PRKRIP1: variants seen among roughly 807,000 people sequenced by gnomAD.
The protein encoded by PRKRIP1 is PRKR-interacting protein 1.
Under a neutral mutation model 29.3 loss-of-function variants are expected in PRKRIP1, and 29 were observed. The ratio of observed to expected loss-of-function variants is 0.99; its 90% CI spans 0.74 to 1.35. PRKRIP1 has a LOEUF of 1.35. Among genes scored for constraint, PRKRIP1 ranks in the 40% most tolerant of loss-of-function variants. The pLI, the probability that PRKRIP1 is intolerant of heterozygous loss-of-function variation, is 0.00. For missense variants in PRKRIP1, 247 were observed against 236.8 expected (o/e 1.04, Z -0.28); for synonymous variants, 90 against 85.1 (o/e 1.06, Z -0.32).
rs185311183 is a variant in PRKRIP1 at position 102,420,230 on chromosome 7, G to A, written c.458-4784G>A. 3.3e-5 allele frequency among the ~76,000 whole-genome samples: 5 copies of A among 152,284 alleles called. No homozygotes were observed. The East Asian group carries it at 7.7e-4, about 24-fold the overall frequency. ...TGCACATAAGTTTCACATCAACTGA[G>A]TACATCTGCAGGAACATGATTGCTG... On this transcript the variant is annotated intron_variant, in intron 5 of 5. Transcript: ENST00000397912.
intron 1 of PRKRIP1, among the ~76,000 whole-genome samples, 159 bp downstream of exon 1, chr7:102,396,696 C>T (rs1156793669): frequency 6.6e-6 from 1 of 152,172 alleles, no homozygotes; most frequent in Admixed American, 6.6e-5. Flanking sequence ...GAGAAGGAGG[C>T]TGTCCCGGAG....
At chr7:102,421,750 T>TCC (rs1399069263) in intron 5 of PRKRIP1, among the ~76,000 whole-genome samples, 1 of 151,006 alleles carries the variant, frequency 6.6e-6, no homozygotes, top group Non-Finnish European at 1.5e-5. Flanking sequence ...TGAGCCAAGA[T>TCC]CGCGCCACTG....
At chr7:102,412,706 C>T (rs781798769) in intron 5 of PRKRIP1, among the ~76,000 whole-genome samples, 1 of 152,140 alleles carries the variant, frequency 6.6e-6, no homozygotes, top group African/African-American at 2.4e-5. Context: ...GGCTTTGGTG[C>T]GCCGTGGGTC....
intron 5 of PRKRIP1, among the ~76,000 whole-genome samples, chr7:102,419,638 G>A (rs1387221814): frequency 5.3e-5 from 8 of 151,966 alleles, no homozygotes; most frequent in Non-Finnish European, 7.4e-5. Flanking sequence ...TCATAGAGTC[G>A]GAATTAAATC....
At chr7:102,405,938 G>T in intron 4 of PRKRIP1, 1 of 331,938 alleles carries the variant, frequency 3.0e-6, no homozygotes, top group South Asian at 2.7e-5. Context: ...TCTGCATCCC[G>T]CTGGTTGTGG....
At chr7:102,396,681 A>AG (rs1795908435) in intron 1 of PRKRIP1, 144 bp downstream of exon 1, 1 of 791,784 alleles carries the variant, frequency 1.3e-6, no homozygotes, top group Non-Finnish European at 1.9e-6. Flanking sequence ...TTTGGGGAGG[A>AG]GGAGGAGAAG....
At position 102,396,466 on chromosome 7, in the gene PRKRIP1, C is replaced by A; in HGVS notation, c.55C>A (p.Gln19Lys). 6.2e-7 allele frequency: 1 copy of A among 1,609,504 alleles called. No individual in the cohort carries two copies. Among genetic ancestry groups the A allele is most frequent in the South Asian group, 1.1e-5 (1 of 90,932 alleles). ...ACCACCGAGGCCCAAGAAAGAGCCG[C>A]AGACGCTCGTCATCCCCAAGAATGC... The part of the protein sequence containing the change: ...VRPPRPKKEP[Q>K]TLVIPKNAAE... The change falls in exon 1 of 6, where the codon CAG becomes AAG. Residue 19 changes from glutamine to lysine, a missense_variant. By Grantham distance (53) the Gln-to-Lys change is moderately conservative. This residue lies in a region of PRKRIP1 where 105 missense variants were observed against 80.2 expected (regional missense o/e 1.31). Transcript: ENST00000397912.
chr7:102,397,706 C>CTG lies in PRKRIP1; in HGVS notation c.205+38_205+39dup, dbSNP rs34218257. The CTG allele has an allele frequency of 2.0e-3, 2,667 of 1,330,750 alleles. 9 individuals carry two copies. In the African/African-American group the frequency reaches 0.022, roughly 11 times the overall value. 82.4% of individuals were successfully genotyped at this position (1,330,750 alleles called of 1,614,324 possible). On this transcript the variant is annotated intron_variant, in intron 2 of 5. Transcript: ENST00000397912. ...TTGTCCGAGATGTCATGGGTAATGGCTGTGTGTGTGTGTGTGTGTGTGTGT... is the reference window on the plus strand; with the variant it reads ...TTGTCCGAGATGTCATGGGTAATGGCTGTGTGTGTGTGTGTGTGTGTGTGTGT...
chr7:102,413,497 C>T (rs1796450002), intron 5 of PRKRIP1, among the ~76,000 whole-genome samples: 1 of 152,174 alleles, frequency 6.6e-6, no homozygotes, highest in African/African-American at 2.4e-5. Context: ...CACAGTGGCT[C>T]ATGCCTGTAC....
At position 102,408,638 on chromosome 7, in the gene PRKRIP1, A is replaced by G. The variant is rs566630525; in HGVS notation, c.457+1140A>G. 1.4e-4 allele frequency among the ~76,000 whole-genome samples: 21 copies of G among 152,336 alleles called. 1 individual carries two copies. The highest frequency in any genetic ancestry group is 1.2e-3 in the Admixed American group (18 of 15,292). ...ACATGACTGCATCTATGGCTATTCC[A>G]TGCTTGACTGGATCTGCTTCCTGAG... On this transcript the variant is annotated intron_variant, in intron 5 of 5. Transcript: ENST00000397912.
chr7:102,401,565 C>G (rs899295733), intron 3 of PRKRIP1, among the ~76,000 whole-genome samples: 1 of 152,094 alleles, frequency 6.6e-6, no homozygotes, highest in South Asian at 2.1e-4. Flanking sequence ...GAGACCCCAT[C>G]TCTACTAAAA....
At chr7:102,399,385 A>G (rs1236263165) in intron 2 of PRKRIP1, among the ~76,000 whole-genome samples, 163 bp from the exon 3 acceptor site, 1 of 152,134 alleles carries the variant, frequency 6.6e-6, no homozygotes, top group South Asian at 2.1e-4. Flanking sequence ...CACGACATCT[A>G]CAATATGCCA....
chr7:102,404,555 G>C lies in PRKRIP1; in HGVS notation c.307-43G>C, dbSNP rs191820335. Reference sequence around the variant, plus strand: ...GCCTGAGCAAAACCTCCCACAGTCTGCCCAGACCAGAGCGTGTCTAAATGA... The same window carrying C: ...GCCTGAGCAAAACCTCCCACAGTCTCCCCAGACCAGAGCGTGTCTAAATGA... On this transcript the variant is annotated intron_variant, in intron 3 of 5. Coordinates refer to ENST00000397912, the MANE Select transcript of PRKRIP1 (RefSeq NM_024653.4). 4.5e-4 allele frequency: 697 copies of C among 1,547,984 alleles called. 2 individuals carry two copies. Among genetic ancestry groups the C allele is most frequent in the Non-Finnish European group, 2.2e-4 (242 of 1,122,804 alleles).
At chr7:102,405,917 G>A (rs1796205231) in intron 4 of PRKRIP1, 2 of 330,436 alleles carry the variant, frequency 6.1e-6, no homozygotes, top group East Asian at 8.3e-5. Context: ...AAGAAGTCTT[G>A]GAAAGCATTT....
rs1796821632 is a variant in PRKRIP1, at chr7:102,425,983, CGG to C, written c.*875_*876del. 1 of 153,062 alleles carries C rather than the reference CGG, an allele frequency of 6.5e-6. No homozygotes were observed. Among genetic ancestry groups the C allele is most frequent in the Non-Finnish European group, 1.5e-5 (1 of 68,304 alleles). 9.5% of individuals were successfully genotyped at this position (153,062 alleles called of 1,614,324 possible). A position where few individuals can be genotyped will look rare whatever the true frequency, so the allele number is the denominator to read the frequency against. ...CTCCTCCTTGCATGACTGCAACTGTCGGGGCTTTCCGCCGGCTCACAGCAGTT... is the reference window on the plus strand; with the variant it reads ...CTCCTCCTTGCATGACTGCAACTGTCGGCTTTCCGCCGGCTCACAGCAGTT... On this transcript the variant is annotated 3_prime_UTR_variant, in exon 6 of 6. Transcript: ENST00000397912.
chr7:102,424,595 C>T (rs117753942), intron 5 of PRKRIP1, among the ~76,000 whole-genome samples: 2 of 152,334 alleles, frequency 1.3e-5, no homozygotes, highest in East Asian at 3.9e-4. Context: ...GAGCCCTCTG[C>T]CACACAGGTT....
intron 5 of PRKRIP1, among the ~76,000 whole-genome samples, chr7:102,409,352 C>G (rs1052992831): frequency 3.3e-5 from 5 of 152,090 alleles, no homozygotes; most frequent in Admixed American, 2.6e-4. Flanking sequence ...AAATAAAGTA[C>G]CTCAACACTT....
chr7:102,396,667 A>G, intron 1 of PRKRIP1, 130 bp downstream of exon 1: 1 of 985,522 alleles, frequency 1.0e-6, no homozygotes, highest in South Asian at 1.5e-5. Context: ...CTCCAAGAGC[A>G]GTCTTTGGGG....
rs1433895591 is a variant in PRKRIP1, at chr7:102,425,612, A to C, written c.*501A>C. The C allele has an allele frequency of 8.1e-6, 2 of 245,592 alleles. No homozygotes were observed. The highest frequency in any genetic ancestry group is 7.7e-5 in the South Asian group (2 of 25,896). The allele number at this position is 245,592 out of a possible 1,614,324, so 15.2% of individuals were successfully genotyped here. A position where few individuals can be genotyped will look rare whatever the true frequency, so the allele number is the denominator to read the frequency against. On this transcript the variant is annotated 3_prime_UTR_variant, in exon 6 of 6. Coordinates refer to ENST00000397912, the MANE Select transcript of PRKRIP1 (RefSeq NM_024653.4). Reference sequence around the variant, plus strand: ...CTGGTCCATGTTGCCCACTCACTCCAGTGGGAAGTGGGGACCACGCCATAG... The same window carrying C: ...CTGGTCCATGTTGCCCACTCACTCCCGTGGGAAGTGGGGACCACGCCATAG...
Sources: gnomAD v4.1 joint callset for allele counts (sites outside exome capture counted in the v4.1 genomes callset) on GRCh38, gnomAD v4.1.1 for gene constraint, gnomAD v4.1.1 regional missense constraint, MANE v1.5 for transcripts, NCBI Gene and HGNC (gene_info 2026-07-23, HGNC 2026-07-21) for gene names.